The following KHDRBS2 variants were observed in gnomAD, a reference collection of about 807,000 sequenced individuals.
KHDRBS2 encodes KH RNA binding domain containing, signal transduction associated 2, also known as KH domain-containing, RNA-binding, signal transduction-associated protein 2.
KHDRBS2 carries 26 observed loss-of-function variants against 44.3 expected under a neutral mutation model. The observed-to-expected ratio is 0.59, with a 90% CI of 0.43 to 0.81. The LOEUF (loss-of-function observed/expected upper bound fraction) is 0.81, where lower values mean the gene tolerates loss of function less well. Among genes scored for constraint, KHDRBS2 ranks in the 40% least tolerant of loss-of-function variants. The probability of loss-of-function intolerance (pLI) is 0.00; values close to 1 mark genes in which losing one functional copy is unlikely to be tolerated. For missense variants in KHDRBS2, 476 were observed against 433.1 expected (o/e 1.10, Z -0.88); for synonymous variants, 194 against 151.1 (o/e 1.28, Z -2.08).
intron 1 of KHDRBS2, among the ~76,000 whole-genome samples, chr6:62,269,640 AGT>A (rs1389362554): frequency 5.3e-5 from 8 of 152,096 alleles, no homozygotes; most frequent in Non-Finnish European, 1.0e-4. Context: ...CTGGTAAGAC[AGT>A]GAGATAGTAT....
At chr6:61,759,026 A>G (rs1778903693) in intron 6 of KHDRBS2, among the ~76,000 whole-genome samples, 1 of 152,174 alleles carries the variant, frequency 6.6e-6, no homozygotes, top group Non-Finnish European at 1.5e-5. Context: ...TATGTGGCAT[A>G]GTGTTCTCTT....
At chr6:61,690,951 T>C (rs1452820575) in intron 8 of KHDRBS2, among the ~76,000 whole-genome samples, 1 of 152,072 alleles carries the variant, frequency 6.6e-6, no homozygotes, top group Non-Finnish European at 1.5e-5. Flanking sequence ...CCCATGCATG[T>C]GGCTATCTAA....
intron 4 of KHDRBS2, among the ~76,000 whole-genome samples, chr6:61,914,445 T>C (rs900556989): frequency 2.2e-5 from 3 of 134,894 alleles, no homozygotes; most frequent in African/African-American, 5.7e-5. Flanking sequence ...CACTCATAGG[T>C]GGGAACTGAA....
At chr6:61,574,451 C>A in the KHDRBS2 span, 9 of 1,416,910 alleles carry the variant, frequency 6.4e-6, no homozygotes, top group Non-Finnish European at 7.6e-6. Context: ...CCAATGCAAA[C>A]AACACCCAAT....
At chr6:61,930,031 C>T (rs1809720736) in intron 4 of KHDRBS2, among the ~76,000 whole-genome samples, 1 of 152,186 alleles carries the variant, frequency 6.6e-6, no homozygotes, top group East Asian at 1.9e-4. Context: ...GTCATGAAGG[C>T]AGAGCCTTCA....
intron 6 of KHDRBS2, among the ~76,000 whole-genome samples, chr6:61,758,701 T>G (rs1181036211): frequency 6.6e-6 from 1 of 152,136 alleles, no homozygotes; most frequent in Non-Finnish European, 1.5e-5. Context: ...ATACTCATGC[T>G]GTATGATTTT....
chr6:62,123,627 TA>T (rs1808240360), intron 2 of KHDRBS2, among the ~76,000 whole-genome samples: 1 of 152,236 alleles, frequency 6.6e-6, no homozygotes, highest in Non-Finnish European at 1.5e-5. Context: ...TTAAATAATT[TA>T]CACCACTCAG....
intron 4 of KHDRBS2, among the ~76,000 whole-genome samples, chr6:61,937,201 A>G (rs1268942200): frequency 1.3e-5 from 2 of 151,626 alleles, no homozygotes; most frequent in Non-Finnish European, 2.9e-5. Flanking sequence ...TACCCATCCC[A>G]TTGAGTTTTT....
At chr6:61,822,939 T>TATATTCCACCAGTTGGTCATCTCC (rs1255447286) in intron 6 of KHDRBS2, among the ~76,000 whole-genome samples, 1 of 152,072 alleles carries the variant, frequency 6.6e-6, no homozygotes, top group Non-Finnish European at 1.5e-5. Context: ...TTTGTAACTC[T>TATATTCCACCAGTTGGTCATCTCC]ATATTCCACC....
In KHDRBS2 at chr6:61,848,469, TTATATATATATATATATATATG is replaced by T. The variant is rs1268218078; in HGVS notation, c.810+46144_810+46165del. Among the ~76,000 whole-genome samples the T allele has an allele frequency of 4.0e-3, 298 of 73,686 alleles. 24 individuals carry two copies. Among genetic ancestry groups the T allele is most frequent in the African/African-American group, 0.02 (292 of 14,962 alleles). 48.3% of individuals were successfully genotyped at this position (73,686 alleles called of 152,430 possible). On this transcript the variant is annotated intron_variant, in intron 6 of 8. Transcript: ENST00000281156. Reference sequence around the variant, plus strand: ...GGTTATATTGAGAGAAATGGAGGTTTTATATATATATATATATATATGTATATATATATATATATATGTATAT... The same window carrying T: ...GGTTATATTGAGAGAAATGGAGGTTTTATATATATATATATATATGTATAT...
chr6:62,183,345 A>T (rs1285409048), intron 1 of KHDRBS2, among the ~76,000 whole-genome samples: 1 of 151,660 alleles, frequency 6.6e-6, no homozygotes, highest in Non-Finnish European at 1.5e-5. Context: ...AATTTATGTA[A>T]ATTTAAATAA....
intron 2 of KHDRBS2, among the ~76,000 whole-genome samples, chr6:62,060,479 T>C (rs1453299191): frequency 6.6e-5 from 10 of 151,612 alleles, no homozygotes; most frequent in Non-Finnish European, 1.3e-4. Context: ...AAAAGTGAAA[T>C]AATTCACTGG....
intron 7 of KHDRBS2, among the ~76,000 whole-genome samples, chr6:61,709,701 T>C (rs1770172992): frequency 6.6e-6 from 1 of 151,666 alleles, no homozygotes; most frequent in East Asian, 1.9e-4. Flanking sequence ...AGCAAAAATT[T>C]TCTATAAATA....
At chr6:62,226,346 C>T (rs1187036389) in intron 1 of KHDRBS2, among the ~76,000 whole-genome samples, 3 of 152,032 alleles carry the variant, frequency 2.0e-5, no homozygotes, top group African/African-American at 4.8e-5. Context: ...CTTTTTAGAA[C>T]TGTCTGTTCA....
intron 3 of KHDRBS2, among the ~76,000 whole-genome samples, chr6:61,982,539 C>CGG: frequency 6.6e-6 from 1 of 151,774 alleles, no homozygotes; most frequent in Non-Finnish European, 1.5e-5. Flanking sequence ...GGCGTGGTGG[C>CGG]GCATGCCTGT....
intron 4 of KHDRBS2, among the ~76,000 whole-genome samples, chr6:61,974,768 T>TA (rs1207163915): frequency 6.6e-6 from 1 of 151,512 alleles, no homozygotes; most frequent in East Asian, 2.0e-4. Flanking sequence ...TCATCTCTAC[T>TA]AAAAATACAA....
At chr6:61,597,560 G>A in the KHDRBS2 span, among the ~76,000 whole-genome samples, 2 of 151,026 alleles carry the variant, frequency 1.3e-5, no homozygotes, top group African/African-American at 2.4e-5. Context: ...ATTAACCATT[G>A]AATGGAGAAA....
intron 2 of KHDRBS2, among the ~76,000 whole-genome samples, chr6:62,101,871 C>A (rs1361517409): frequency 6.6e-6 from 1 of 152,164 alleles, no homozygotes; most frequent in East Asian, 1.9e-4. Flanking sequence ...TACACATCTT[C>A]AAAAATTCAA....
At chr6:61,582,338 T>A in the KHDRBS2 span, among the ~76,000 whole-genome samples, 2 of 151,422 alleles carry the variant, frequency 1.3e-5, no homozygotes, top group African/African-American at 4.8e-5. Flanking sequence ...AGAGAAGAAA[T>A]TTAAAACAAT....
Sources: gnomAD v4.1 joint callset for allele counts (sites outside exome capture counted in the v4.1 genomes callset) on GRCh38, gnomAD v4.1.1 for gene constraint, MANE v1.5 for transcripts, NCBI Gene and HGNC (gene_info 2026-07-23, HGNC 2026-07-21) for gene names.